The following MPDZ variants were observed in gnomAD, a reference collection of about 807,000 sequenced individuals.
MPDZ encodes the protein multiple PDZ domain crumbs cell polarity complex component.
Under a neutral mutation model 239.1 loss-of-function variants are expected in MPDZ, and 234 were observed. The observed-to-expected ratio is 0.98, with a 90% confidence interval of 0.88 to 1.09. The LOEUF (loss-of-function observed/expected upper bound fraction) is 1.09, where lower values mean the gene tolerates loss of function less well. Ranked by LOEUF, MPDZ falls within the 50% of genes least tolerant of loss-of-function variation. MPDZ has a pLI of 0.00. For synonymous variants in MPDZ, 1,048 were observed against 881.3 expected, an observed-to-expected ratio of 1.19 and a Z score of -3.35; for missense variants, 3,175 against 2,510.0, an observed-to-expected ratio of 1.26 and a Z score of -5.66.
In MPDZ at chr9:13,208,092, A is replaced by T. The variant is rs1212201900; in HGVS notation, c.1291-1993T>A. On this transcript the variant is annotated intron_variant, in intron 10 of 46. Coordinates refer to ENST00000319217, the MANE Select transcript of MPDZ (RefSeq NM_001378778.1). ...AAGTTAGAAAAGATCTGGATTTTATAATCTAAATCTTGTAATTCAGATGTT... is the reference window on the plus strand; with the variant it reads ...AAGTTAGAAAAGATCTGGATTTTATTATCTAAATCTTGTAATTCAGATGTT... Among the ~76,000 whole-genome samples the T allele has an allele frequency of 3.3e-5, 5 of 152,340 alleles. No homozygotes were observed. The South Asian group carries it at 1.0e-3, about 32-fold the overall frequency.
intron 23 of MPDZ, among the ~76,000 whole-genome samples, chr9:13,161,545 C>T (rs1587392561): frequency 6.6e-6 from 1 of 152,016 alleles, no homozygotes. Flanking sequence ...CACTGCACTG[C>T]CTGGGCAACA....
At chr9:13,264,537 A>G (rs1016400427) in intron 1 of MPDZ, among the ~76,000 whole-genome samples, 2 of 152,114 alleles carry the variant, frequency 1.3e-5, no homozygotes, top group Non-Finnish European at 1.5e-5. Context: ...GGACTGCTGG[A>G]CTAACTCAAC....
intron 40 of MPDZ, among the ~76,000 whole-genome samples, 197 bp downstream of exon 40, chr9:13,115,050 AC>A (rs1174894063): frequency 6.6e-6 from 1 of 152,198 alleles, no homozygotes; most frequent in Non-Finnish European, 1.5e-5. Context: ...AGAATGACTT[AC>A]AAACTACTCA....
At chr9:13,125,136 A>C in intron 35 of MPDZ, 80 bp downstream of exon 35, 10 of 1,333,350 alleles carry the variant, frequency 7.5e-6, no homozygotes, top group Non-Finnish European at 9.1e-6. Flanking sequence ...ACAGGTAGGC[A>C]GCTGGCTCCC....
intron 26 of MPDZ, among the ~76,000 whole-genome samples, chr9:13,146,782 GAA>G (rs1487188833): frequency 1.3e-5 from 2 of 151,818 alleles, no homozygotes; most frequent in Non-Finnish European, 2.9e-5. Context: ...AGAAGGAGTT[GAA>G]AAAACAGTTT....
intron 3 of MPDZ, among the ~76,000 whole-genome samples, chr9:13,241,000 T>C (rs985967955): frequency 5.9e-5 from 9 of 152,190 alleles, no homozygotes; most frequent in Non-Finnish European, 1.2e-4. Context: ...AATAGCAAGA[T>C]GGTGTTGCAT....
intron 46 of MPDZ, among the ~76,000 whole-genome samples, chr9:13,108,081 A>C (rs1941787258): frequency 6.6e-6 from 1 of 152,174 alleles, no homozygotes; most frequent in African/African-American, 2.4e-5. Flanking sequence ...CAAAATAATA[A>C]AATAAAATAT....
At position 13,121,815 on chromosome 9, in the gene MPDZ, C is replaced by G. The variant is rs1229544682; in HGVS notation, c.5155G>C (p.Glu1719Gln). 4 of 1,613,866 alleles carry G rather than the reference C, an allele frequency of 2.5e-6. No homozygotes were observed. The highest frequency in any genetic ancestry group is 3.4e-6 in the Non-Finnish European group (4 of 1,179,892). The stretch of plus-strand genomic sequence containing the variant: ...TCAATAGTGAGGGTGTCACACACTT[C>G]CTCCTCTTTGTATGGGGCCTCATCT... Reference protein sequence around the residue: ...YRDEAPYKEEEVCDTLTIELQ... With the variant: ...YRDEAPYKEEQVCDTLTIELQ... Residue 1719 changes from glutamate (E) to glutamine (Q), a missense_variant, in exon 38 of 47, where the codon GAA becomes CAA. Coordinates refer to ENST00000319217, the MANE Select transcript of MPDZ (RefSeq NM_001378778.1).
At chr9:13,138,941 T>C (rs1241576786) in intron 28 of MPDZ, among the ~76,000 whole-genome samples, 3 of 152,248 alleles carry the variant, frequency 2.0e-5, no homozygotes, top group Non-Finnish European at 4.4e-5. Flanking sequence ...TATTGTTTTA[T>C]GCCATTACAT....
chr9:13,144,553 T>C (rs1484467982), intron 26 of MPDZ, among the ~76,000 whole-genome samples: 1 of 152,110 alleles, frequency 6.6e-6, no homozygotes, highest in Non-Finnish European at 1.5e-5. Flanking sequence ...TAAATGTTTG[T>C]GTTACTTTTC....
At chr9:13,114,497 T>C (rs1273835234) in intron 40 of MPDZ, among the ~76,000 whole-genome samples, 2 of 152,192 alleles carry the variant, frequency 1.3e-5, no homozygotes, top group African/African-American at 2.4e-5. Flanking sequence ...TCAAGAGTCT[T>C]GAAATATTTA....
chr9:13,107,518 GT>G (rs1941681770), intron 46 of MPDZ, among the ~76,000 whole-genome samples: 1 of 152,150 alleles, frequency 6.6e-6, no homozygotes, highest in Non-Finnish European at 1.5e-5. Flanking sequence ...AACAAAAACA[GT>G]TTTACAGGAC....
intron 15 of MPDZ, among the ~76,000 whole-genome samples, chr9:13,191,699 T>C (rs997294419): frequency 1.3e-5 from 2 of 152,174 alleles, no homozygotes; most frequent in Admixed American, 1.3e-4. Flanking sequence ...TTTAAAAATA[T>C]TTTTTACCAC....
chr9:13,140,003 C>T lies in MPDZ; in HGVS notation c.3987G>A (p.Glu1329=), dbSNP rs1281148139. ...KISQDVDKED[E]FGYSWKNIRE... is the part of the protein sequence containing the mutation. ...ACAACTTACTCCAGCTGTAACCAAA[C>T]TCATCCTCTTTGTCCACATCTTGTG... Residue 1329 remains glutamate, a synonymous_variant, in exon 28 of 47, where the codon GAG becomes GAA. Coordinates refer to ENST00000319217, the MANE Select transcript of MPDZ (RefSeq NM_001378778.1). 1.2e-6 allele frequency: 2 copies of T among 1,613,320 alleles called. No individual in the cohort carries two copies.
chr9:13,189,104 A>G, intron 16 of MPDZ, 111 bp from the exon 17 acceptor site: 4 of 866,800 alleles, frequency 4.6e-6, no homozygotes, highest in Non-Finnish European at 6.8e-6. Flanking sequence ...GCCTTTAAAA[A>G]TTTTCATGCC....
intron 39 of MPDZ, among the ~76,000 whole-genome samples, chr9:13,118,839 A>AG (rs1461716671): frequency 2.6e-5 from 4 of 152,280 alleles, no homozygotes; most frequent in African/African-American, 9.6e-5. Context: ...TTTGCTTTGG[A>AG]GGAAACCAAT....
intron 39 of MPDZ, among the ~76,000 whole-genome samples, chr9:13,115,925 C>T (rs748124476): frequency 8.2e-6 from 1 of 121,952 alleles, no homozygotes; most frequent in Non-Finnish European, 1.6e-5. Flanking sequence ...ACCTGGGTGA[C>T]AGAGCGAGAC....
At position 13,162,694 on chromosome 9, in the gene MPDZ, C is replaced by T. The variant is rs774082001; in HGVS notation, c.3356G>A (p.Gly1119Asp). ...MALDIFSSYTGRDIPELPERE... is the reference protein window; with the variant it reads ...MALDIFSSYTDRDIPELPERE... The stretch of plus-strand genomic sequence containing the variant: ...TTAGATTTAATGTTTCACTTACCTG[C>T]CAGTGTATGAAGAAAAAATATCCAG... The change falls in exon 23 of 47, where the codon GGC becomes GAC. Residue 1119 changes from glycine to aspartate, a missense_variant. Gly to Asp is a moderately conservative substitution (Grantham distance 94, BLOSUM62 -1). Transcript: ENST00000319217. 5.0e-6 allele frequency: 8 copies of T among 1,598,072 alleles called. No individual in the cohort carries two copies. Among genetic ancestry groups the T allele is most frequent in the Admixed American group, 1.7e-5 (1 of 59,528 alleles).
chr9:13,109,730 A>T (rs1233116548), intron 45 of MPDZ, among the ~76,000 whole-genome samples: 2 of 152,214 alleles, frequency 1.3e-5, no homozygotes, highest in African/African-American at 4.8e-5. Context: ...TAGCACGCAT[A>T]TCTATCTAGC....
Sources: gnomAD v4.1 joint callset for allele counts (sites outside exome capture counted in the v4.1 genomes callset) on GRCh38, gnomAD v4.1.1 for gene constraint, MANE v1.5 for transcripts, NCBI Gene and HGNC (gene_info 2026-07-23, HGNC 2026-07-21) for gene names.